Variants in CFAP299 observed in about 807,000 individuals in gnomAD.
CFAP299 encodes cilia- and flagella-associated protein 299.
In CFAP299, 21 loss-of-function variants were observed where a neutral mutation model predicts 27.0. The ratio of observed to expected loss-of-function variants is 0.78; its 90% CI spans 0.55 to 1.12. The LOEUF is 1.12. CFAP299 is among the 50% of genes most tolerant of loss of function. The pLI is 0.00. For synonymous variants in CFAP299, 104 were observed against 98.1 expected, an observed-to-expected ratio of 1.06 and a Z score of -0.36; for missense variants, 310 against 276.6, an observed-to-expected ratio of 1.12 and a Z score of -0.86.
At chr4:80,817,012 C>A (rs1038331800) in intron 3 of CFAP299, among the ~76,000 whole-genome samples, 1 of 152,128 alleles carries the variant, frequency 6.6e-6, no homozygotes, top group Non-Finnish European at 1.5e-5. Context: ...CAGGTCAGAG[C>A]CACTCTCTGC....
intron 2 of CFAP299, among the ~76,000 whole-genome samples, chr4:80,481,768 A>G (rs1050961234): frequency 3.9e-5 from 6 of 152,028 alleles, no homozygotes; most frequent in Admixed American, 2.6e-4. Context: ...AACAGAACAT[A>G]TATTGGAGCT....
intron 2 of CFAP299, among the ~76,000 whole-genome samples, chr4:80,369,026 A>C (rs1419257295): frequency 6.6e-6 from 1 of 152,204 alleles, no homozygotes; most frequent in Non-Finnish European, 1.5e-5. Flanking sequence ...AAACTTTGAG[A>C]GAATCTCTCA....
chr4:80,531,287 C>T (rs910915530), intron 2 of CFAP299, among the ~76,000 whole-genome samples: 1 of 151,880 alleles, frequency 6.6e-6, no homozygotes, highest in Non-Finnish European at 1.5e-5. Context: ...AAAATTTTTG[C>T]CTTTATACTT....
At chr4:80,550,769 ACACACACACACACACG>A (rs1734470321) in intron 2 of CFAP299, among the ~76,000 whole-genome samples, 3 of 151,848 alleles carry the variant, frequency 2.0e-5, no homozygotes, top group Middle Eastern at 6.8e-3. Context: ...AAACACACAC[ACACACACACACACACG>A]CACACACACA....
chr4:80,838,491 T>C (rs998822149), intron 3 of CFAP299, among the ~76,000 whole-genome samples: 3 of 152,200 alleles, frequency 2.0e-5, no homozygotes, highest in African/African-American at 4.8e-5. Context: ...GCTTGCCCAT[T>C]TTCCAACACC....
At chr4:80,565,933 T>G (rs1235149962) in intron 2 of CFAP299, among the ~76,000 whole-genome samples, 1 of 152,084 alleles carries the variant, frequency 6.6e-6, no homozygotes, top group African/African-American at 2.4e-5. Flanking sequence ...CAGGGAGTGT[T>G]AACTGACTTA....
At chr4:80,405,441 C>G (rs1357639279) in intron 2 of CFAP299, among the ~76,000 whole-genome samples, 1 of 152,058 alleles carries the variant, frequency 6.6e-6, no homozygotes, top group Non-Finnish European at 1.5e-5. Context: ...TAATACATTT[C>G]CCATTAAATC....
intron 3 of CFAP299, among the ~76,000 whole-genome samples, chr4:80,634,678 T>C (rs1370709217): frequency 6.6e-6 from 1 of 152,198 alleles, no homozygotes; most frequent in Non-Finnish European, 1.5e-5. Context: ...ACACATTTTT[T>C]TGATGGGCTA....
chr4:80,627,477 A>G (rs954985009), intron 3 of CFAP299, among the ~76,000 whole-genome samples: 3 of 152,044 alleles, frequency 2.0e-5, no homozygotes, highest in Non-Finnish European at 2.9e-5. Flanking sequence ...ATAGTATTGG[A>G]TGTGCTAGCC....
At chr4:80,442,901 A>G (rs549080626) in intron 2 of CFAP299, among the ~76,000 whole-genome samples, 2 of 152,354 alleles carry the variant, frequency 1.3e-5, no homozygotes, top group South Asian at 2.1e-4. Context: ...GGAGAATACT[A>G]TAAACACCTC....
chr4:80,849,441 T>A (rs73829164), intron 3 of CFAP299, among the ~76,000 whole-genome samples: 2 of 152,132 alleles, frequency 1.3e-5, no homozygotes, highest in Non-Finnish European at 2.9e-5. Flanking sequence ...AAGAATTCCC[T>A]GAAATGATGG....
chr4:80,417,305 C>G (rs1727066039), intron 2 of CFAP299, among the ~76,000 whole-genome samples: 1 of 152,170 alleles, frequency 6.6e-6, no homozygotes, highest in Non-Finnish European at 1.5e-5. Context: ...TTTACCACAA[C>G]CTGTTTTATC....
intron 3 of CFAP299, among the ~76,000 whole-genome samples, chr4:80,841,313 A>C (rs552601608): frequency 9.1e-4 from 138 of 152,234 alleles, no homozygotes; most frequent in African/African-American, 3.2e-3. Flanking sequence ...AACTCCACCT[A>C]TCTAGGAGAG....
intron 2 of CFAP299, among the ~76,000 whole-genome samples, chr4:80,509,426 C>A (rs1157361709): frequency 1.3e-5 from 2 of 152,134 alleles, no homozygotes; most frequent in African/African-American, 4.8e-5. Context: ...AAAGTGAAAG[C>A]TAAGTAAATA....
At chr4:80,843,437 C>T (rs1052722030) in intron 3 of CFAP299, among the ~76,000 whole-genome samples, 1 of 152,112 alleles carries the variant, frequency 6.6e-6, no homozygotes, top group African/African-American at 2.4e-5. Context: ...GCATAGTATT[C>T]CGTGGTGTAT....
At chr4:80,817,653 C>T (rs1018398528) in intron 3 of CFAP299, among the ~76,000 whole-genome samples, 1 of 151,892 alleles carries the variant, frequency 6.6e-6, no homozygotes, top group Non-Finnish European at 1.5e-5. Flanking sequence ...ACATTTAGGA[C>T]AAATTTAGCA....
intron 1 of CFAP299, among the ~76,000 whole-genome samples, chr4:80,349,892 G>A (rs1722934920): frequency 6.6e-6 from 1 of 152,132 alleles, no homozygotes; most frequent in African/African-American, 2.4e-5. Flanking sequence ...TGCAATTTAA[G>A]GAAAGTGTCA....
At chr4:80,633,163 A>G (rs1739298873) in intron 3 of CFAP299, among the ~76,000 whole-genome samples, 1 of 152,134 alleles carries the variant, frequency 6.6e-6, no homozygotes, top group Non-Finnish European at 1.5e-5. Context: ...AAAATGTGAA[A>G]GTGGGCCGGG....
chr4:80,570,511 T>TA (rs1272995917), intron 2 of CFAP299, among the ~76,000 whole-genome samples: 1 of 152,030 alleles, frequency 6.6e-6, no homozygotes, highest in African/African-American at 2.4e-5. Flanking sequence ...AAAACATCAA[T>TA]AAAAATAGGA....
Sources: allele counts gnomAD v4.1 joint callset (sites outside exome capture counted in the v4.1 genomes callset), GRCh38; gene constraint gnomAD v4.1.1; transcripts MANE v1.5; gene names NCBI Gene and HGNC (gene_info 2026-07-23, HGNC 2026-07-21).